F7: variants seen among roughly 807,000 people sequenced by gnomAD.
F7 encodes FVII coagulation protein.
F7 carries 38 observed loss-of-function variants against 47.5 expected under a neutral mutation model. The observed-to-expected ratio is 0.80, with a 90% confidence interval of 0.62 to 1.05. F7 has a LOEUF of 1.05. Among genes scored for constraint, F7 ranks in the 50% least tolerant of loss-of-function variants. The pLI is 0.00. For synonymous variants in F7, 244 were observed against 258.5 expected (o/e 0.94, Z 0.54); for missense variants, 575 against 605.4 (o/e 0.95, Z 0.53).
Position 113,110,826 on chromosome 13 carries a change from G to A in F7, c.201G>A (p.Glu67=). The A allele has an allele frequency of 6.4e-7, 1 of 1,561,020 alleles. No homozygotes were observed. The highest frequency in any genetic ancestry group is 8.7e-7 in the Non-Finnish European group (1 of 1,153,278). The change falls in exon 2 of 8, where the codon GAG becomes GAA. Residue 67 remains glutamate, a synonymous_variant. Coordinates refer to ENST00000346342, the MANE Select transcript of F7 (RefSeq NM_019616.4). Reference sequence around the variant, plus strand: ...AGTGCTCCTTCGAGGAGGCCCGGGAGATCTTCAAGGACGCGGAGAGGACGG... The same window carrying A: ...AGTGCTCCTTCGAGGAGGCCCGGGAAATCTTCAAGGACGCGGAGAGGACGG... ...EEQCSFEEAR[E]IFKDAERTKL...
rs1350858388 is a variant in F7, at chr13:113,120,463, G to A, written c.*1455G>A. ...TCCGGCAAGCACGGCTCAGAGAGTG[G>A]ACTCGATGCCATCCCTGCAGGGCCG... On this transcript the variant is annotated 3_prime_UTR_variant, in exon 8 of 8. Coordinates refer to ENST00000346342, the MANE Select transcript of F7 (RefSeq NM_019616.4). The A allele has an allele frequency of 6.5e-6, 1 of 153,386 alleles. No individual in the cohort carries two copies. The highest frequency in any genetic ancestry group is 1.5e-5 in the Non-Finnish European group (1 of 68,760). The allele number at this position is 153,386 out of a possible 1,614,324, so 9.5% of individuals were successfully genotyped here.
At chr13:113,109,016 G>T (rs547101811) in intron 1 of F7, among the ~76,000 whole-genome samples, 1 of 33,282 alleles carries the variant, frequency 3.0e-5, no homozygotes, top group African/African-American at 1.1e-4. Flanking sequence ...CGGGAGTGTG[G>T]GTGTCCCGGG....
intron 6 of F7, 72 bp from the exon 7 acceptor site, chr13:113,117,401 G>T: frequency 6.2e-7 from 1 of 1,601,324 alleles, no homozygotes; most frequent in East Asian, 2.2e-5. Flanking sequence ...TCCTTGGCAT[G>T]CCCGGGAGGG....
At position 113,110,670 on chromosome 13, in the gene F7, A is replaced by G; in HGVS notation, c.65-20A>G. 1 of 1,547,628 alleles carries G rather than the reference A, an allele frequency of 6.5e-7. No individual in the cohort carries two copies. The highest frequency in any genetic ancestry group is 1.2e-5 in the South Asian group (1 of 83,954). ...GGGCGGGGCACGCGGTGGGCGCTTC[A>G]CGGAACTCGCATTTCCCAGTCTTCG... On this transcript the variant is annotated intron_variant, in intron 1 of 7. Transcript: ENST00000346342.
intron 1 of F7, among the ~76,000 whole-genome samples, chr13:113,108,815 G>A (rs1294187712): frequency 1.2e-5 from 1 of 80,730 alleles, no homozygotes; most frequent in Non-Finnish European, 2.6e-5. Context: ...GGGCGTGGGT[G>A]TCCCGGGAGT....
At chr13:113,110,898 G>A (rs1417877214) in intron 2 of F7, 48 bp downstream of exon 2, 3 of 1,538,832 alleles carry the variant, frequency 1.9e-6, no homozygotes, top group Admixed American at 2.0e-5. Context: ...TGCAGGCGGC[G>A]GTGAACCAGG....
intron 1 of F7, chr13:113,110,392 A>T: frequency 2.9e-6 from 1 of 350,850 alleles, no homozygotes; most frequent in Non-Finnish European, 5.2e-6. Context: ...CCGCAGCCTC[A>T]CGTTTACGCG....
chr13:113,111,315 G>T (rs955703341), intron 2 of F7, among the ~76,000 whole-genome samples: 64 of 151,878 alleles, frequency 4.2e-4, no homozygotes, highest in Non-Finnish European at 8.1e-4. Context: ...ACTTTCTCCA[G>T]CTCACGCTCA....
In F7 at chr13:113,113,961, G is replaced by A. The variant is rs1056071555; in HGVS notation, c.364+1G>A. ...TTCGAGGGCCGGAACTGTGAGACGCGTAAGGCCCCACTTTGGGTCCCATAT... is the reference window on the plus strand; with the variant it reads ...TTCGAGGGCCGGAACTGTGAGACGCATAAGGCCCCACTTTGGGTCCCATAT... On this transcript the variant is annotated splice_donor_variant, in intron 4 of 7. Coordinates refer to ENST00000346342, the MANE Select transcript of F7 (RefSeq NM_019616.4). LOFTEE classifies it high-confidence loss of function. The surrounding 1 kb of genome is among the most constrained non-coding windows in gnomAD (Gnocchi z 4.1). The A allele has an allele frequency of 1.7e-5, 27 of 1,613,742 alleles. No individual in the cohort carries two copies. In the Admixed American group the frequency reaches 1.8e-4, roughly 11 times the overall value.
chr13:113,118,515 T>C lies in F7; in HGVS notation c.842T>C (p.Ile281Thr), dbSNP rs1282779232. The part of the protein sequence containing the change: ...TYVPGTTNHD[I>T]ALLRLHQPVV... Reference sequence around the variant, plus strand: ...GTCCCGGGCACCACCAACCACGACATCGCGCTGCTCCGCCTGCACCAGCCC... The same window carrying C: ...GTCCCGGGCACCACCAACCACGACACCGCGCTGCTCCGCCTGCACCAGCCC... Residue 281 changes from isoleucine to threonine, a missense_variant, in exon 8 of 8, where the codon ATC becomes ACC. Physicochemically the swap from Ile to Thr is moderately conservative, Grantham distance 89. Transcript: ENST00000346342. 2 of 1,611,420 alleles carry C rather than the reference T, an allele frequency of 1.2e-6. No individual in the cohort carries two copies. The highest frequency in any genetic ancestry group is 4.5e-5 in the East Asian group (2 of 44,886).
chr13:113,116,710 G>A, intron 5 of F7, 56 bp from the exon 6 acceptor site: 1 of 1,336,534 alleles, frequency 7.5e-7, no homozygotes, highest in African/African-American at 1.4e-5. Flanking sequence ...ATCTTTCCTA[G>A]TGGCACGTTC....
Position 113,112,553 on chromosome 13 carries a change from ACACT to A in F7, c.226-1195_226-1192del, listed in dbSNP as rs539958239. ...ACACCTCCCTCTCACAGGTCACCTCACACTCACAGGACACCTCACAGAGGTCACC... is the reference window on the plus strand; with the variant it reads ...ACACCTCCCTCTCACAGGTCACCTCACACAGGACACCTCACAGAGGTCACC... On this transcript the variant is annotated intron_variant, in intron 2 of 7. Coordinates refer to ENST00000346342, the MANE Select transcript of F7 (RefSeq NM_019616.4). Among the ~76,000 whole-genome samples the A allele has an allele frequency of 1.1e-4, 16 of 146,190 alleles. No homozygotes were observed. In the South Asian group the frequency reaches 1.8e-3, roughly 16 times the overall value.
Position 113,116,747 on chromosome 13 carries a change from T to C in F7, c.506-19T>C. 6.4e-7 allele frequency: 1 copy of C among 1,550,452 alleles called. No homozygotes were observed. Among genetic ancestry groups the C allele is most frequent in the Non-Finnish European group, 8.9e-7 (1 of 1,122,218 alleles). On this transcript the variant is annotated intron_variant, in intron 5 of 7. Coordinates refer to ENST00000346342, the MANE Select transcript of F7 (RefSeq NM_019616.4). ...TCCCTCACAAATCTCTGCATCTTTC[T>C]GACTTTTGTTTTACACAGTTGAATA...
At position 113,119,420 on chromosome 13, in the gene F7, T is replaced by C; in HGVS notation, c.*412T>C. 1 of 261,448 alleles carries C rather than the reference T, an allele frequency of 3.8e-6. No individual in the cohort carries two copies. Among genetic ancestry groups the C allele is most frequent in the Non-Finnish European group, 7.4e-6 (1 of 134,544 alleles). 16.2% of individuals were successfully genotyped at this position (261,448 alleles called of 1,614,324 possible). A position where few individuals can be genotyped will look rare whatever the true frequency, so the allele number is the denominator to read the frequency against. ...CTGGCCTCAGGCTGCTGCTCTGCCT[T>C]CATTGCTGGAGACAGTAGAGGCATG... On this transcript the variant is annotated 3_prime_UTR_variant, in exon 8 of 8. Transcript: ENST00000346342.
Position 113,117,603 on chromosome 13 carries a change from A to G in F7, c.739+7A>G, listed in dbSNP as rs519650. 6,217 of 1,574,426 alleles carry G rather than the reference A, an allele frequency of 3.9e-3. 25 individuals carry two copies. Among genetic ancestry groups the G allele is most frequent in the Non-Finnish European group, 4.5e-3 (5,210 of 1,150,472 alleles). On this transcript the variant is annotated splice_region_variant and intron_variant, in intron 7 of 7. Coordinates refer to ENST00000346342, the MANE Select transcript of F7 (RefSeq NM_019616.4). The stretch of plus-strand genomic sequence containing the variant: ...AACCTGATCGCGGTGCTGGGTGGGT[A>G]CCACTCTCCCCTGTCCGACCGCGGT...
chr13:113,113,726 C>T lies in F7; in HGVS notation c.226-26C>T, dbSNP rs779496924. On this transcript the variant is annotated intron_variant, in intron 2 of 7. Coordinates refer to ENST00000346342, the MANE Select transcript of F7 (RefSeq NM_019616.4). This position sits in a 1 kb window ranked among gnomAD's most constrained non-coding sequence, Gnocchi z 4.1. The stretch of plus-strand genomic sequence containing the variant: ...GGTGCTCTGGTGAAGGTGCATCTCA[C>T]GAGGCTTGCTCTCTTGTTCCTTCAG... 11 of 1,611,352 alleles carry T rather than the reference C, an allele frequency of 6.8e-6. No individual in the cohort carries two copies. Among genetic ancestry groups the T allele is most frequent in the South Asian group, 6.6e-5 (6 of 91,026 alleles).
At position 113,119,291 on chromosome 13, in the gene F7, G is replaced by T; in HGVS notation, c.*283G>T. The T allele has an allele frequency of 2.1e-6, 1 of 484,584 alleles. No homozygotes were observed. Among genetic ancestry groups the T allele is most frequent in the Admixed American group, 3.6e-5 (1 of 27,690 alleles). 30.0% of individuals were successfully genotyped at this position (484,584 alleles called of 1,614,324 possible). ...AAAGATGAGAGGCAGAGGCAGACAG[G>T]CGCTGGACAGAGGGGCAGGGGAGTG... On this transcript the variant is annotated 3_prime_UTR_variant, in exon 8 of 8. Transcript: ENST00000346342.
chr13:113,108,722 T>G (rs1390595099), intron 1 of F7, among the ~76,000 whole-genome samples: 12 of 44,818 alleles, frequency 2.7e-4, no homozygotes, highest in Non-Finnish European at 3.4e-4. Context: ...GTCCCGGGGG[T>G]CGTGGGTGTC....
At position 113,113,538 on chromosome 13, in the gene F7, A is replaced by C. The variant is rs1322673258; in HGVS notation, c.226-214A>C. Among the ~76,000 whole-genome samples, 1 of 152,210 alleles carries C rather than the reference A, an allele frequency of 6.6e-6. No individual in the cohort carries two copies. Among genetic ancestry groups the C allele is most frequent in the Non-Finnish European group, 1.5e-5 (1 of 68,030 alleles). On this transcript the variant is annotated intron_variant, in intron 2 of 7. Transcript: ENST00000346342. This position sits in a 1 kb window ranked among gnomAD's most constrained non-coding sequence, Gnocchi z 4.1. The stretch of plus-strand genomic sequence containing the variant: ...TCGGGTGTTCTGACTTGGGAGCAGG[A>C]AATGTGTGGTCACCCATAGTTCCAG...
Sources: allele counts gnomAD v4.1 joint callset (sites outside exome capture counted in the v4.1 genomes callset), GRCh38; gene constraint gnomAD v4.1.1; non-coding constraint Gnocchi (gnomAD v3.1); transcripts MANE v1.5; gene names NCBI Gene and HGNC (gene_info 2026-07-23, HGNC 2026-07-21).